Variants in SLC24A3 observed in about 807,000 individuals in gnomAD.
The protein encoded by SLC24A3 is solute carrier family 24 member 3.
Under a neutral mutation model 75.8 loss-of-function variants are expected in SLC24A3, and 28 were observed. The observed-to-expected ratio is 0.37, with a 90% CI of 0.27 to 0.51. The LOEUF is 0.51. Ranked by LOEUF, SLC24A3 falls within the 20% of genes least tolerant of loss-of-function variation. SLC24A3 has a pLI of 0.94. For synonymous variants in SLC24A3, 372 were observed against 334.1 expected (o/e 1.11, Z -1.24); for missense variants, 663 against 847.8 (o/e 0.78, Z 2.71).
intron 1 of SLC24A3, among the ~76,000 whole-genome samples, chr20:19,219,585 C>G (rs1350803084): frequency 6.6e-6 from 1 of 151,960 alleles, no homozygotes; most frequent in Non-Finnish European, 1.5e-5. Context: ...TCAGGAAAAG[C>G]TGGAACCTGA....
At chr20:19,549,183 C>G (rs530237182) in intron 3 of SLC24A3, among the ~76,000 whole-genome samples, 2 of 152,210 alleles carry the variant, frequency 1.3e-5, no homozygotes, top group Non-Finnish European at 2.9e-5. Flanking sequence ...TGGCACCTAA[C>G]TGCAAGGGAT....
chr20:19,456,465 G>T (rs556328188), intron 2 of SLC24A3, among the ~76,000 whole-genome samples: 48 of 152,294 alleles, frequency 3.2e-4, no homozygotes, highest in South Asian at 1.5e-3. Context: ...TGCCATCCAT[G>T]TAAGACGGGA....
chr20:19,409,833 A>ATGTG (rs10638924), intron 2 of SLC24A3, among the ~76,000 whole-genome samples: 1 of 145,250 alleles, frequency 6.9e-6, no homozygotes, highest in South Asian at 2.2e-4. Context: ...TATATATAAT[A>ATGTG]TGTGTGTGTG....
chr20:19,446,250 G>A (rs1414694191), intron 2 of SLC24A3, among the ~76,000 whole-genome samples: 2 of 152,166 alleles, frequency 1.3e-5, no homozygotes, highest in Non-Finnish European at 2.9e-5. Flanking sequence ...AATTAAACAT[G>A]GAAAAGCACG....
At chr20:19,389,644 G>A (rs1026791905) in intron 2 of SLC24A3, among the ~76,000 whole-genome samples, 1 of 151,820 alleles carries the variant, frequency 6.6e-6, no homozygotes, top group East Asian at 1.9e-4. Flanking sequence ...TTCTCTTACT[G>A]CTTTCAAAAT....
intron 6 of SLC24A3, among the ~76,000 whole-genome samples, chr20:19,604,022 G>A (rs1167778620): frequency 6.6e-6 from 1 of 152,212 alleles, no homozygotes; most frequent in African/African-American, 2.4e-5. Context: ...GCACAGTGTG[G>A]TCCAGTCACT....
At chr20:19,702,672 A>G in intron 15 of SLC24A3, among the ~76,000 whole-genome samples, 1 of 152,196 alleles carries the variant, frequency 6.6e-6, no homozygotes, top group Admixed American at 6.5e-5. Flanking sequence ...TCCAATGCAG[A>G]CCACTCTTTT....
chr20:19,453,026 A>C (rs1462997477), intron 2 of SLC24A3, among the ~76,000 whole-genome samples: 1 of 152,122 alleles, frequency 6.6e-6, no homozygotes, highest in Non-Finnish European at 1.5e-5. Context: ...TACTAACAAT[A>C]CAAAAATTTG....
intron 3 of SLC24A3, among the ~76,000 whole-genome samples, chr20:19,523,806 A>T (rs370002894): frequency 6.6e-6 from 1 of 152,206 alleles, no homozygotes; most frequent in African/African-American, 2.4e-5. Context: ...CTCTTGGCAG[A>T]GTGTCTGGCA....
At chr20:19,278,565 C>T (rs1166595981) in intron 1 of SLC24A3, among the ~76,000 whole-genome samples, 1 of 152,208 alleles carries the variant, frequency 6.6e-6, no homozygotes, top group Non-Finnish European at 1.5e-5. Flanking sequence ...TTTTTTGTCT[C>T]TGTTCATCAC....
chr20:19,693,634 C>A, intron 13 of SLC24A3: 1 of 580,532 alleles, frequency 1.7e-6, no homozygotes, highest in Non-Finnish European at 2.8e-6. Flanking sequence ...ATTCATTAAT[C>A]TTAGCTGGGA....
At chr20:19,592,745 CCTT>C (rs2031394993) in intron 6 of SLC24A3, among the ~76,000 whole-genome samples, 1 of 151,866 alleles carries the variant, frequency 6.6e-6, no homozygotes, top group Non-Finnish European at 1.5e-5. Flanking sequence ...GGAATATTCA[CCTT>C]CTGAAACTCA....
At chr20:19,448,237 G>A (rs1464676980) in intron 2 of SLC24A3, among the ~76,000 whole-genome samples, 1 of 152,168 alleles carries the variant, frequency 6.6e-6, no homozygotes, top group Non-Finnish European at 1.5e-5. Flanking sequence ...CATGATCTGC[G>A]ATTATTTTCG....
chr20:19,702,483 G>T (rs1228524715), intron 15 of SLC24A3, among the ~76,000 whole-genome samples: 1 of 152,158 alleles, frequency 6.6e-6, no homozygotes, highest in Non-Finnish European at 1.5e-5. Context: ...TGCAGGAGAA[G>T]AAACCACTCT....
chr20:19,380,867 C>G (rs771185531), intron 2 of SLC24A3, among the ~76,000 whole-genome samples: 1 of 152,126 alleles, frequency 6.6e-6, no homozygotes, highest in Non-Finnish European at 1.5e-5. Flanking sequence ...CTTTGACATC[C>G]AGAATAATGT....
intron 6 of SLC24A3, among the ~76,000 whole-genome samples, chr20:19,612,090 C>T (rs1245510901): frequency 4.6e-5 from 7 of 152,276 alleles, no homozygotes; most frequent in African/African-American, 1.7e-4. Flanking sequence ...GCTAGCCACC[C>T]GTCCCTAGTT....
At chr20:19,591,241 ACTT>A (rs1477006544) in intron 6 of SLC24A3, among the ~76,000 whole-genome samples, 10 of 151,960 alleles carry the variant, frequency 6.6e-5, no homozygotes, top group Non-Finnish European at 1.5e-5. Context: ...TGCTTGTTCC[ACTT>A]CTTTGATACG....
intron 2 of SLC24A3, among the ~76,000 whole-genome samples, chr20:19,416,828 G>A (rs1986835567): frequency 6.6e-6 from 1 of 152,144 alleles, no homozygotes; most frequent in African/African-American, 2.4e-5. Flanking sequence ...GTGAATGTAA[G>A]GAGTCTTTTA....
At chr20:19,303,026 T>C (rs1228809594) in intron 2 of SLC24A3, among the ~76,000 whole-genome samples, 1 of 152,130 alleles carries the variant, frequency 6.6e-6, no homozygotes, top group Admixed American at 6.5e-5. Flanking sequence ...ACTTTTATTT[T>C]AGTTTCAGTG....
Sources: gnomAD v4.1 joint callset for allele counts (sites outside exome capture counted in the v4.1 genomes callset) on GRCh38, gnomAD v4.1.1 for gene constraint, MANE v1.5 for transcripts, NCBI Gene and HGNC (gene_info 2026-07-23, HGNC 2026-07-21) for gene names.